The following SEMA4B variants were observed in gnomAD, a reference collection of about 807,000 sequenced individuals.
The protein encoded by SEMA4B is semaphorin-4B.
In SEMA4B, 55 loss-of-function variants were observed where a neutral mutation model predicts 88.1. The observed-to-expected ratio is 0.62, with a 90% CI of 0.50 to 0.78. The LOEUF (loss-of-function observed/expected upper bound fraction) is 0.78. Among genes scored for constraint, SEMA4B ranks in the 30% least tolerant of loss-of-function variants. SEMA4B has a pLI of 0.00. For synonymous variants in SEMA4B, 525 were observed against 473.6 expected (o/e 1.11, Z -1.41); for missense variants, 1,062 against 1,111.9 (o/e 0.96, Z 0.64).
Position 90,228,674 on chromosome 15 carries a change from T to G in SEMA4B, c.*31T>G, listed in dbSNP as rs1962339392. The G allele has an allele frequency of 1.2e-6, 2 of 1,611,880 alleles. No homozygotes were observed. The highest frequency in any genetic ancestry group is 2.7e-5 in the African/African-American group (2 of 74,938). On this transcript the variant is annotated 3_prime_UTR_variant, in exon 14 of 14. Coordinates refer to ENST00000411539, the MANE Select transcript of SEMA4B (RefSeq NM_198925.4). Reference sequence around the variant, plus strand: ...GACTTCCAGAGGACGCTGCCCTGGCTTCAGGGGCTGTGAATGCTCGGAGAG... The same window carrying G: ...GACTTCCAGAGGACGCTGCCCTGGCGTCAGGGGCTGTGAATGCTCGGAGAG...
At position 90,225,080 on chromosome 15, in the gene SEMA4B, G is replaced by C; in HGVS notation, c.1307G>C (p.Arg436Pro). 6.2e-7 allele frequency: 1 copy of C among 1,613,830 alleles called. No homozygotes were observed. Among genetic ancestry groups the C allele is most frequent in the Non-Finnish European group, 8.5e-7 (1 of 1,179,854 alleles). The part of the protein sequence containing the change: ...HFLMDGQVRS[R>P]MLLLQPQARY... ...CTGATGGACGGGCAGGTCCGAAGCCGCATGCTGCTGCTGCAGCCCCAGGCT... is the reference window on the plus strand; with the variant it reads ...CTGATGGACGGGCAGGTCCGAAGCCCCATGCTGCTGCTGCAGCCCCAGGCT... The change falls in exon 10 of 14, where the codon CGC becomes CCC. Residue 436 changes from arginine to proline, a missense_variant. Physicochemically the swap from Arg to Pro is moderately radical, Grantham distance 103. Transcript: ENST00000411539.
chr15:90,217,916 C>A (rs1961616504), intron 3 of SEMA4B, 87 bp downstream of exon 3: 1 of 1,117,590 alleles, frequency 8.9e-7, no homozygotes, highest in Non-Finnish European at 1.3e-6. Flanking sequence ...GAGGTGGGAG[C>A]AGATACAGCC....
At chr15:90,221,841 A>G (rs1052794075) in intron 7 of SEMA4B, 76 bp downstream of exon 7, 22 of 1,418,218 alleles carry the variant, frequency 1.6e-5, no homozygotes, top group Non-Finnish European at 2.0e-5. Context: ...ACCCACATCC[A>G]TGCATGGCCT....
rs148119760 is a variant in SEMA4B at position 90,217,084 on chromosome 15, C to A, written c.158-355C>A. ...GCCTGTTTTTCTGGAGCTTCTAATA[C>A]ATCATTTTTTTTCCCAGCTGTATAG... is the stretch of plus-strand genomic sequence containing the variant. On this transcript the variant is annotated intron_variant, in intron 1 of 13. Transcript: ENST00000411539. The A allele has an allele frequency of 1.4e-3, 254 of 177,164 alleles. 1 individual carries two copies. Among genetic ancestry groups the A allele is most frequent in the African/African-American group, 5.9e-3 (251 of 42,552 alleles). The allele number at this position is 177,164 out of a possible 1,614,324, so 11.0% of individuals were successfully genotyped here.
chr15:90,225,838 C>A lies in SEMA4B; in HGVS notation c.1688+11C>A. 6.6e-7 allele frequency: 1 copy of A among 1,506,848 alleles called. No homozygotes were observed. The highest frequency in any genetic ancestry group is 8.9e-7 in the Non-Finnish European group (1 of 1,128,970). The allele number at this position is 1,506,848 out of a possible 1,614,324, so 93.3% of individuals were successfully genotyped here. A position where few individuals can be genotyped will look rare whatever the true frequency, so the allele number is the denominator to read the frequency against. On this transcript the variant is annotated intron_variant, in intron 12 of 13. Coordinates refer to ENST00000411539, the MANE Select transcript of SEMA4B (RefSeq NM_198925.4). ...TCAGCTGGCCACCAGGTGAGCACTC[C>A]CAAAGGCCCCTTCCCATCTGTCCAG...
chr15:90,202,145 C>G (rs1439874802), intron 1 of SEMA4B, among the ~76,000 whole-genome samples: 2 of 152,246 alleles, frequency 1.3e-5, no homozygotes, highest in African/African-American at 4.8e-5. Context: ...TTCTGGTATT[C>G]CCAGCAAGTC....
chr15:90,224,774 C>G (rs561267510), intron 9 of SEMA4B, among the ~76,000 whole-genome samples, 194 bp from the exon 10 acceptor site: 2 of 152,252 alleles, frequency 1.3e-5, no homozygotes, highest in South Asian at 4.1e-4. Flanking sequence ...TCCAAGCACT[C>G]GGTTTCCCCG....
At position 90,229,350 on chromosome 15, in the gene SEMA4B, A is replaced by G. The variant is rs1962385490; in HGVS notation, c.*707A>G. On this transcript the variant is annotated 3_prime_UTR_variant, in exon 14 of 14. Coordinates refer to ENST00000411539, the MANE Select transcript of SEMA4B (RefSeq NM_198925.4). ...CGAGCTCAGGAGAGATTTCGTGACAATGTACGCCTTTCCCTCAGAATTCAG... is the reference window on the plus strand; with the variant it reads ...CGAGCTCAGGAGAGATTTCGTGACAGTGTACGCCTTTCCCTCAGAATTCAG... 1 of 456,802 alleles carries G rather than the reference A, an allele frequency of 2.2e-6. No homozygotes were observed. The highest frequency in any genetic ancestry group is 1.5e-5 in the South Asian group (1 of 64,562). 28.3% of individuals were successfully genotyped at this position (456,802 alleles called of 1,614,324 possible).
rs565852389 is a variant in SEMA4B at position 90,188,859 on chromosome 15, G to A, written c.-122+3778G>A. Among the ~76,000 whole-genome samples, 43 of 151,794 alleles carry A rather than the reference G, an allele frequency of 2.8e-4. 3 individuals are homozygous for A. Among genetic ancestry groups the A allele is most frequent in the South Asian group, 2.1e-4 (1 of 4,794 alleles). On this transcript the variant is annotated intron_variant, in intron 1 of 14. Transcript: ENST00000332496. ...ATTTTTTTGTATTTTTAGTAGAGACGGGGTTTCACCATGTTAGCCAGGATG... is the reference window on the plus strand; with the variant it reads ...ATTTTTTTGTATTTTTAGTAGAGACAGGGTTTCACCATGTTAGCCAGGATG...
At chr15:90,188,398 T>C (rs888967043) in intron 1 of SEMA4B, among the ~76,000 whole-genome samples, 3 of 151,712 alleles carry the variant, frequency 2.0e-5, no homozygotes, top group African/African-American at 4.8e-5. Flanking sequence ...GAGGCCGAGG[T>C]GGGCGGATCA....
At chr15:90,225,857 TG>T in intron 12 of SEMA4B, 30 bp downstream of exon 12, 1 of 1,472,156 alleles carries the variant, frequency 6.8e-7, no homozygotes, top group Non-Finnish European at 9.0e-7. Flanking sequence ...CCTTCCCATC[TG>T]TCCAGCCCTG....
At chr15:90,194,764 T>A (rs970059788) in intron 1 of SEMA4B, among the ~76,000 whole-genome samples, 1 of 152,196 alleles carries the variant, frequency 6.6e-6, no homozygotes, top group African/African-American at 2.4e-5. Flanking sequence ...AAACACCCAA[T>A]AACTCTTCAC....
chr15:90,229,282 C>T lies in SEMA4B; in HGVS notation c.*639C>T, dbSNP rs1435761897. 1.1e-5 allele frequency: 5 copies of T among 456,728 alleles called. No individual in the cohort carries two copies. The highest frequency in any genetic ancestry group is 4.6e-5 in the South Asian group (3 of 64,572). 28.3% of individuals were successfully genotyped at this position (456,728 alleles called of 1,614,324 possible). ...CTGGGCTCGGACCCAACTCCTGGAC[C>T]TTTCCAGCCTGTATCAGGCTGTGGC... On this transcript the variant is annotated 3_prime_UTR_variant, in exon 14 of 14. Coordinates refer to ENST00000411539, the MANE Select transcript of SEMA4B (RefSeq NM_198925.4).
rs1960241288 is a variant in SEMA4B at position 90,188,497 on chromosome 15, GCA to G, written c.-122+3417_-122+3418del. Among the ~76,000 whole-genome samples, 11 of 150,666 alleles carry G rather than the reference GCA, an allele frequency of 7.3e-5. No individual in the cohort carries two copies. The South Asian group carries it at 2.3e-3, about 32-fold the overall frequency. ...ACAAAAATTAGCCAGGCATGGTGGC[GCA>G]TGCCTGTAATCCCAGCTACCCGGGA... On this transcript the variant is annotated intron_variant, in intron 1 of 14. Transcript: ENST00000332496.
At chr15:90,187,179 CTT>C (rs1310125494) in intron 1 of SEMA4B, among the ~76,000 whole-genome samples, 1 of 152,310 alleles carries the variant, frequency 6.6e-6, no homozygotes, top group Non-Finnish European at 1.5e-5. Context: ...AATACCATCT[CTT>C]CTGAAGCCAG....
intron 1 of SEMA4B, chr15:90,193,708 T>C (rs1266610960): frequency 1.3e-5 from 2 of 152,180 alleles, no homozygotes; most frequent in Non-Finnish European, 2.9e-5. Flanking sequence ...ATTCAGGGAC[T>C]CAACAAATAG....
chr15:90,207,107 A>T (rs1354441038), intron 1 of SEMA4B: 1 of 295,486 alleles, frequency 3.4e-6, no homozygotes, highest in African/African-American at 2.2e-5. Context: ...TGTGGCAGAG[A>T]TGGTCACAGA....
chr15:90,218,000 G>A (rs1049318140), intron 3 of SEMA4B, 171 bp downstream of exon 3: 4 of 588,988 alleles, frequency 6.8e-6, no homozygotes, highest in Admixed American at 5.8e-5. Context: ...CACTTACATC[G>A]CTACGACCTT....
rs1337317462 is a variant in SEMA4B, at chr15:90,228,400, C to T, written c.2271C>T (p.His757=). 1.2e-6 allele frequency: 2 copies of T among 1,602,704 alleles called. No individual in the cohort carries two copies. Among genetic ancestry groups the T allele is most frequent in the Non-Finnish European group, 1.7e-6 (2 of 1,174,382 alleles). Residue 757 remains histidine, a synonymous_variant, in exon 14 of 14, where the codon CAC becomes CAT. Coordinates refer to ENST00000411539, the MANE Select transcript of SEMA4B (RefSeq NM_198925.4). ...AGCAGGGGGAATGTGCCAGCGTGCA[C>T]CCCAAGACCTGCCCTGTGGTGCTGC... ...FLKQGECASV[H]PKTCPVVLPP... is the part of the protein sequence containing the mutation.
Sources: gnomAD v4.1 joint callset for allele counts (sites outside exome capture counted in the v4.1 genomes callset) on GRCh38, gnomAD v4.1.1 for gene constraint, MANE v1.5 for transcripts, NCBI Gene and HGNC (gene_info 2026-07-23, HGNC 2026-07-21) for gene names.